Variants in PCDHA13 observed in about 807,000 individuals in gnomAD.
PCDHA13 encodes protocadherin alpha-13.
PCDHA13 carries 54 observed loss-of-function variants against 64.8 expected under a neutral mutation model. That is an observed-to-expected ratio of 0.83 (90% confidence interval 0.67 to 1.04). PCDHA13 has a LOEUF of 1.04. Ranked by LOEUF, PCDHA13 falls within the 50% of genes least tolerant of loss-of-function variation. PCDHA13 has a pLI of 0.00. For synonymous variants in PCDHA13, 587 were observed against 564.4 expected (o/e 1.04, Z -0.57); for missense variants, 1,248 against 1,254.3 (o/e 0.99, Z 0.08).
intron 1 of PCDHA13, among the ~76,000 whole-genome samples, chr5:140,938,050 A>G (rs1169641392): frequency 6.6e-6 from 1 of 152,116 alleles, no homozygotes; most frequent in African/African-American, 2.4e-5. Context: ...TGGGTTTTCT[A>G]CATATACTGT....
At chr5:141,005,469 C>T (rs549630927) in intron 3 of PCDHA13, among the ~76,000 whole-genome samples, 2 of 151,656 alleles carry the variant, frequency 1.3e-5, no homozygotes, top group South Asian at 2.1e-4. Flanking sequence ...TTTGGGAGGC[C>T]GAGACGGGCG....
At chr5:140,979,525 T>A (rs1347519268) in intron 2 of PCDHA13, among the ~76,000 whole-genome samples, 1 of 152,244 alleles carries the variant, frequency 6.6e-6, no homozygotes, top group Non-Finnish European at 1.5e-5. Flanking sequence ...TGTTGCTATC[T>A]TATTGTCATC....
rs183412283 is a variant in PCDHA13 at position 140,968,329 on chromosome 5, T to C, written c.2395-10620T>C. On this transcript the variant is annotated intron_variant, in intron 1 of 3. Transcript: ENST00000289272. ...TTCAAGGGCTGCCAGTCACCTCCTA[T>C]GTCTCCATTAACAGTGCCAGTGGCA... is the stretch of plus-strand genomic sequence containing the variant. 7.7e-5 allele frequency: 125 copies of C among 1,614,150 alleles called. 1 individual carries two copies. In the East Asian group the frequency reaches 2.7e-3, roughly 34 times the overall value.
At chr5:140,982,337 A>T in intron 2 of PCDHA13, 138 bp from the exon 3 acceptor site, 1 of 1,455,066 alleles carries the variant, frequency 6.9e-7, no homozygotes, top group Non-Finnish European at 9.1e-7. Flanking sequence ...CTCAGCAGTA[A>T]TTGCTTCAGT....
At chr5:140,945,371 A>G (rs926668947) in intron 1 of PCDHA13, among the ~76,000 whole-genome samples, 2 of 152,104 alleles carry the variant, frequency 1.3e-5, no homozygotes, top group African/African-American at 4.8e-5. Context: ...AAATGTCCAT[A>G]TTACCCAAAG....
chr5:140,986,345 C>T (rs1442253492), intron 3 of PCDHA13, among the ~76,000 whole-genome samples: 2 of 152,172 alleles, frequency 1.3e-5, no homozygotes, highest in African/African-American at 4.8e-5. Flanking sequence ...GTTGCAGCCT[C>T]TTCTTCAGAT....
intron 1 of PCDHA13, among the ~76,000 whole-genome samples, chr5:140,906,668 C>G (rs1554192641): frequency 1.3e-5 from 2 of 152,152 alleles, no homozygotes; most frequent in African/African-American, 4.8e-5. Flanking sequence ...TGTAGTGACC[C>G]AAACCTTCAT....
At chr5:140,952,351 AAAAG>A (rs1316352142) in intron 1 of PCDHA13, among the ~76,000 whole-genome samples, 25 of 120,612 alleles carry the variant, frequency 2.1e-4, no homozygotes, top group Non-Finnish European at 3.5e-4. Context: ...AAAAAAAAAA[AAAAG>A]AAAGAAAGAA....
intron 1 of PCDHA13, among the ~76,000 whole-genome samples, chr5:140,886,744 TG>T (rs2061111877): frequency 6.6e-6 from 1 of 150,996 alleles, no homozygotes. Flanking sequence ...GAGAATTGCT[TG>T]AACCCGGGAG....
At position 140,882,983 on chromosome 5, in the gene PCDHA13, GC is replaced by G; in HGVS notation, c.719del (p.Pro240ArgfsTer10). ...CACGATTCTGGACGTGAATGACAAC[GC>G]CCCGGAATTTTACCAATCCGTTTAT... is the stretch of plus-strand genomic sequence containing the variant. The part of the protein sequence containing the change: ...LITILDVNDN[A>X]PEFYQSVYKV... On this transcript the variant is annotated frameshift_variant, in exon 1 of 4. Transcript: ENST00000289272. LOFTEE classifies it high-confidence loss of function. 1.2e-6 allele frequency: 2 copies of G among 1,614,130 alleles called. No individual in the cohort carries two copies. The highest frequency in any genetic ancestry group is 1.7e-6 in the Non-Finnish European group (2 of 1,180,044).
intron 2 of PCDHA13, among the ~76,000 whole-genome samples, chr5:140,980,947 G>T (rs1430215851): frequency 6.6e-6 from 1 of 152,032 alleles, no homozygotes; most frequent in Non-Finnish European, 1.5e-5. Context: ...GCTGGCTCCA[G>T]GATAGTTACA....
In PCDHA13 at chr5:140,968,377, T is replaced by C. The variant is rs1461765123; in HGVS notation, c.2395-10572T>C. 2.5e-6 allele frequency: 4 copies of C among 1,613,962 alleles called. No individual in the cohort carries two copies. In the African/African-American group the frequency reaches 4.0e-5, roughly 16 times the overall value. ...GCAGCCTTTATGCTGTCAACTCCTT[T>C]GACTATGAGAAGTTTCGGGAGTTCT... On this transcript the variant is annotated intron_variant, in intron 1 of 3. Transcript: ENST00000289272.
Position 140,977,158 on chromosome 5 carries a change from A to G in PCDHA13, c.2395-1791A>G, listed in dbSNP as rs6862693. Among the ~76,000 whole-genome samples, 983 of 152,340 alleles carry G rather than the reference A, an allele frequency of 6.5e-3. 6 individuals carry two copies. The highest frequency in any genetic ancestry group is 0.023 in the African/African-American group (951 of 41,586). ...CAGTCCTGCTGGAACTGTGCCTTTC[A>G]GCAAAATGAGTTTGATGATTTCATT... On this transcript the variant is annotated intron_variant, in intron 1 of 3. Transcript: ENST00000289272.
At chr5:140,938,881 A>T (rs2092243650) in intron 1 of PCDHA13, among the ~76,000 whole-genome samples, 1 of 152,088 alleles carries the variant, frequency 6.6e-6, no homozygotes, top group South Asian at 2.1e-4. Context: ...GAAGCAACAC[A>T]CACACACACA....
At chr5:140,912,578 A>G (rs2075983045) in intron 1 of PCDHA13, among the ~76,000 whole-genome samples, 1 of 152,052 alleles carries the variant, frequency 6.6e-6, no homozygotes, top group Admixed American at 6.5e-5. Context: ...CCTCTTTTCC[A>G]ATTTGGATGC....
intron 3 of PCDHA13, among the ~76,000 whole-genome samples, chr5:140,998,381 G>A (rs932010146): frequency 4.6e-5 from 7 of 152,144 alleles, no homozygotes; most frequent in Non-Finnish European, 2.9e-5. Flanking sequence ...TCTCTAGAAA[G>A]TTTAATGCCA....
intron 3 of PCDHA13, among the ~76,000 whole-genome samples, chr5:141,004,899 C>A (rs898562164): frequency 4.6e-5 from 7 of 152,096 alleles, no homozygotes. Context: ...TCAGCTCTGC[C>A]AGGGTGTAAG....
Position 140,892,378 on chromosome 5 carries a change from A to G in PCDHA13, c.2394+7716A>G, listed in dbSNP as rs13360703. 4.7e-3 allele frequency among the ~76,000 whole-genome samples: 722 copies of G among 152,344 alleles called. 7 individuals are homozygous for G. Among genetic ancestry groups the G allele is most frequent in the African/African-American group, 0.016 (672 of 41,584 alleles). On this transcript the variant is annotated intron_variant, in intron 1 of 3. Coordinates refer to ENST00000289272, the MANE Select transcript of PCDHA13 (RefSeq NM_018904.3). Reference sequence around the variant, plus strand: ...CAGGCATCTTGGGGCACTAGCAATCATGGGTAATCTTAATCTATTTCAAGC... The same window carrying G: ...CAGGCATCTTGGGGCACTAGCAATCGTGGGTAATCTTAATCTATTTCAAGC...
chr5:140,935,563 C>T (rs1554210554), intron 1 of PCDHA13, among the ~76,000 whole-genome samples: 1 of 152,176 alleles, frequency 6.6e-6, no homozygotes. Context: ...GGAAAAGTTC[C>T]TCTCTGTGTA....
Sources: gnomAD v4.1 joint callset for allele counts (sites outside exome capture counted in the v4.1 genomes callset) on GRCh38, gnomAD v4.1.1 for gene constraint, MANE v1.5 for transcripts, NCBI Gene and HGNC (gene_info 2026-07-23, HGNC 2026-07-21) for gene names.